PTPRN2: variants seen among roughly 807,000 people sequenced by gnomAD.
The protein encoded by PTPRN2 is protein tyrosine phosphatase receptor type N2, also known as receptor-type tyrosine-protein phosphatase N2.
A neutral mutation model predicts 118.8 loss-of-function variants in PTPRN2; 74 were observed. The ratio of observed to expected loss-of-function variants is 0.62; its 90% confidence interval spans 0.52 to 0.76. The LOEUF is 0.76. Ranked by LOEUF, PTPRN2 falls within the 30% of genes least tolerant of loss-of-function variation. PTPRN2 has a pLI of 0.00. For synonymous variants in PTPRN2, 641 were observed against 608.0 expected, an observed-to-expected ratio of 1.05 and a Z score of -0.80; for missense variants, 1,481 against 1,394.4, an observed-to-expected ratio of 1.06 and a Z score of -0.99.
chr7:158,442,265 G>C (rs1047836566), intron 2 of PTPRN2, among the ~76,000 whole-genome samples: 1 of 152,066 alleles, frequency 6.6e-6, no homozygotes, highest in African/African-American at 2.4e-5. Context: ...AAAAATCTGA[G>C]AGCAAAGATG....
intron 11 of PTPRN2, among the ~76,000 whole-genome samples, chr7:158,071,580 CTCCTG>C (rs1811709685): frequency 1.1e-4 from 1 of 9,336 alleles, no homozygotes; most frequent in Non-Finnish European, 2.3e-4. Flanking sequence ...GGTGGAGGTG[CTCCTG>C]GTGGAGGTGC....
intron 2 of PTPRN2, among the ~76,000 whole-genome samples, chr7:158,474,668 G>A (rs1267511518): frequency 6.6e-6 from 1 of 152,074 alleles, no homozygotes; most frequent in Non-Finnish European, 1.5e-5. Flanking sequence ...AGAGGCGGGT[G>A]CCCGTCTGAG....
At chr7:158,077,374 C>T (rs116399637) in intron 11 of PTPRN2, among the ~76,000 whole-genome samples, 88 of 152,290 alleles carry the variant, frequency 5.8e-4, no homozygotes, top group African/African-American at 1.9e-3. Context: ...AATACAGAGG[C>T]GCCGCTACTG....
At chr7:158,184,700 T>C (rs771755163) in intron 5 of PTPRN2, among the ~76,000 whole-genome samples, 3 of 152,080 alleles carry the variant, frequency 2.0e-5, no homozygotes, top group Non-Finnish European at 4.4e-5. Context: ...TAATCCCAGC[T>C]ACTCGGGAGG....
chr7:158,000,094 C>A (rs1805100296), intron 11 of PTPRN2, among the ~76,000 whole-genome samples: 1 of 152,068 alleles, frequency 6.6e-6, no homozygotes, highest in African/African-American at 2.4e-5. Context: ...ACCATGTTGG[C>A]CAGGCTGGTC....
At chr7:157,691,664 T>C (rs957458347) in intron 12 of PTPRN2, among the ~76,000 whole-genome samples, 1 of 152,166 alleles carries the variant, frequency 6.6e-6, no homozygotes, top group African/African-American at 2.4e-5. Flanking sequence ...GCGAGCTGCG[T>C]CCTTGCCCTT....
intron 6 of PTPRN2, among the ~76,000 whole-genome samples, chr7:158,149,145 T>C (rs1363826300): frequency 1.3e-5 from 2 of 151,096 alleles, no homozygotes; most frequent in African/African-American, 2.4e-5. Context: ...ACGCCACGTG[T>C]CTTTCCCCCT....
At chr7:157,580,739 C>T (rs1259654245) in intron 17 of PTPRN2, among the ~76,000 whole-genome samples, 1 of 131,314 alleles carries the variant, frequency 7.6e-6, no homozygotes, top group African/African-American at 3.0e-5. Flanking sequence ...CACACCAGCA[C>T]CTGCACACCC....
rs1254369105 is a variant in PTPRN2, at chr7:157,893,897, C to T, written c.1788+4776G>A. Among the ~76,000 whole-genome samples the T allele has an allele frequency of 6.6e-6, 1 of 152,182 alleles. No homozygotes were observed. The highest frequency in any genetic ancestry group is 1.5e-5 in the Non-Finnish European group (1 of 68,030). On this transcript the variant is annotated intron_variant, in intron 12 of 22. Transcript: ENST00000389418. The surrounding 1 kb of genome is among the most constrained non-coding windows in gnomAD (Gnocchi z 4.0). ...GAGGAGCTGGTCGACTTGAAGGGAA[C>T]AGAGATGGCCGTCGCGCCCAGTGAG...
At chr7:158,465,965 G>A (rs144233025) in intron 2 of PTPRN2, among the ~76,000 whole-genome samples, 3,083 of 152,250 alleles carry the variant, frequency 0.02, 35 homozygotes, top group Non-Finnish European at 0.032. Flanking sequence ...CCTGCCTCAC[G>A]CCTCACACAC....
chr7:157,558,397 C>A (rs920579119), intron 21 of PTPRN2, among the ~76,000 whole-genome samples: 2 of 152,254 alleles, frequency 1.3e-5, no homozygotes, highest in East Asian at 1.9e-4. Context: ...AGAGCACACA[C>A]ACCCACATGG....
intron 2 of PTPRN2, among the ~76,000 whole-genome samples, chr7:158,333,652 T>A (rs1213866756): frequency 6.6e-6 from 1 of 150,760 alleles, no homozygotes; most frequent in Non-Finnish European, 1.5e-5. Context: ...ACCCACATTC[T>A]CACCATAAGA....
intron 11 of PTPRN2, among the ~76,000 whole-genome samples, chr7:157,982,834 G>A (rs1399691901): frequency 5.8e-5 from 7 of 119,888 alleles, no homozygotes; most frequent in Admixed American, 1.9e-4. Context: ...CCTAAACCCC[G>A]AGTCACAGAG....
At chr7:157,712,704 T>C (rs1385422107) in intron 12 of PTPRN2, among the ~76,000 whole-genome samples, 1 of 142,102 alleles carries the variant, frequency 7.0e-6, no homozygotes, top group Non-Finnish European at 1.5e-5. Flanking sequence ...CTACCCAAGA[T>C]TGCGCCATTG....
At chr7:158,071,534 GATGATGGAGGTGCTCC>G (rs1811665645) in intron 11 of PTPRN2, among the ~76,000 whole-genome samples, 24 of 123,724 alleles carry the variant, frequency 1.9e-4, no homozygotes, top group South Asian at 5.3e-4. Flanking sequence ...AGATGCTCGT[GATGATGGAGGTGCTCC>G]TGGTGGTGGA....
intron 3 of PTPRN2, among the ~76,000 whole-genome samples, chr7:158,312,503 GACACCC>G (rs1801911724): frequency 1.4e-5 from 2 of 147,970 alleles, no homozygotes; most frequent in African/African-American, 5.0e-5. Flanking sequence ...CTCACGTGTA[GACACCC>G]ACACACACGC....
intron 11 of PTPRN2, among the ~76,000 whole-genome samples, chr7:157,917,382 G>A (rs1798465017): frequency 6.6e-6 from 1 of 152,206 alleles, no homozygotes; most frequent in Admixed American, 6.5e-5. Context: ...ACTCCTCAGG[G>A]TTCCAAGAAA....
chr7:158,171,340 T>C (rs1208795759), intron 5 of PTPRN2, among the ~76,000 whole-genome samples: 22 of 120,262 alleles, frequency 1.8e-4, no homozygotes, highest in African/African-American at 3.1e-4. Flanking sequence ...TATATATATA[T>C]ATATATATAC....
chr7:158,107,527 T>C (rs979807950), intron 10 of PTPRN2, among the ~76,000 whole-genome samples: 10 of 152,022 alleles, frequency 6.6e-5, no homozygotes, highest in Non-Finnish European at 1.0e-4. Context: ...GCCCTCCCCA[T>C]TGTGAGCCAC....
Sources: allele counts gnomAD v4.1 joint callset (sites outside exome capture counted in the v4.1 genomes callset), GRCh38; gene constraint gnomAD v4.1.1; non-coding constraint Gnocchi (gnomAD v3.1); transcripts MANE v1.5; gene names NCBI Gene and HGNC (gene_info 2026-07-23, HGNC 2026-07-21).